Variants in TAF1B observed in about 807,000 individuals in gnomAD.
The protein encoded by TAF1B is TATA box-binding protein-associated factor RNA polymerase I subunit B.
A neutral mutation model predicts 83.9 loss-of-function variants in TAF1B; 61 were observed. The observed-to-expected ratio is 0.73, with a 90% CI of 0.59 to 0.90. The LOEUF (loss-of-function observed/expected upper bound fraction) is 0.90. Among genes scored for constraint, TAF1B ranks in the 40% least tolerant of loss-of-function variants. TAF1B has a pLI of 0.00. For synonymous variants in TAF1B, 221 were observed against 224.6 expected (o/e 0.98, Z 0.14); for missense variants, 625 against 677.0 (o/e 0.92, Z 0.85).
intron 5 of TAF1B, among the ~76,000 whole-genome samples, chr2:9,862,546 C>G (rs902565043): frequency 4.6e-5 from 7 of 152,146 alleles, no homozygotes; most frequent in Non-Finnish European, 8.8e-5. Context: ...GAGAACTTCC[C>G]CAATCTAGCA....
intron 8 of TAF1B, among the ~76,000 whole-genome samples, chr2:9,895,325 C>G (rs1013783704): frequency 1.3e-5 from 2 of 152,036 alleles, no homozygotes; most frequent in African/African-American, 4.8e-5. Flanking sequence ...CATGGTGAAA[C>G]TCTGGCTCTA....
chr2:9,890,903 T>C (rs1035378394), intron 8 of TAF1B, among the ~76,000 whole-genome samples: 28 of 152,168 alleles, frequency 1.8e-4, no homozygotes, highest in Non-Finnish European at 2.8e-4. Context: ...CCCAAGTAGC[T>C]GGGATTACAG....
At chr2:9,884,157 C>T (rs186792289) in intron 8 of TAF1B, among the ~76,000 whole-genome samples, 5 of 152,324 alleles carry the variant, frequency 3.3e-5, no homozygotes, top group African/African-American at 4.8e-5. Context: ...GCCAGCGATC[C>T]GCGAGGCTGC....
intron 8 of TAF1B, among the ~76,000 whole-genome samples, chr2:9,886,997 G>A (rs368887349): frequency 7.2e-5 from 11 of 152,182 alleles, no homozygotes; most frequent in Admixed American, 2.6e-4. Context: ...CCCAGGAAGC[G>A]GAGGTTGCAG....
intron 8 of TAF1B, among the ~76,000 whole-genome samples, chr2:9,900,152 C>G (rs983618804): frequency 5.9e-5 from 9 of 152,172 alleles, no homozygotes; most frequent in African/African-American, 2.2e-4. Flanking sequence ...TACAAAAGCT[C>G]TCAGACAGGC....
intron 14 of TAF1B, among the ~76,000 whole-genome samples, chr2:9,926,379 ATC>A (rs897028252): frequency 1.3e-5 from 2 of 152,166 alleles, no homozygotes; most frequent in South Asian, 2.1e-4. Flanking sequence ...CCACCTCTTT[ATC>A]TCTCTCTTTT....
chr2:9,898,950 C>G (rs1209112858), intron 8 of TAF1B, among the ~76,000 whole-genome samples: 1 of 102,790 alleles, frequency 9.7e-6, no homozygotes, highest in African/African-American at 3.7e-5. Context: ...TTTTTTTTTT[C>G]TCCTGCCACC....
chr2:9,907,169 T>G (rs1461794807), intron 9 of TAF1B, among the ~76,000 whole-genome samples: 1 of 149,258 alleles, frequency 6.7e-6, no homozygotes, highest in Non-Finnish European at 1.5e-5. Context: ...ATTACAGGCA[T>G]AAGCCACCAA....
intron 4 of TAF1B, among the ~76,000 whole-genome samples, chr2:9,852,908 C>G (rs1663444093): frequency 6.6e-6 from 1 of 152,160 alleles, no homozygotes; most frequent in Admixed American, 6.5e-5. Context: ...TGGGGCAAGT[C>G]CAAACAGAAC....
chr2:9,882,820 T>G lies in TAF1B; in HGVS notation c.807+15T>G. ...TTGGTATAGAGGTAAGTTATTTTCT[T>G]TTTTACTTTCTAGTCTCTGATAAGG... is the stretch of plus-strand genomic sequence containing the variant. On this transcript the variant is annotated intron_variant, in intron 8 of 14. Transcript: ENST00000263663. The G allele has an allele frequency of 6.4e-7, 1 of 1,559,010 alleles. No individual in the cohort carries two copies. The highest frequency in any genetic ancestry group is 8.7e-7 in the Non-Finnish European group (1 of 1,146,462).
intron 7 of TAF1B, among the ~76,000 whole-genome samples, chr2:9,879,725 G>T (rs1664435957): frequency 6.6e-6 from 1 of 152,160 alleles, no homozygotes; most frequent in Admixed American, 6.5e-5. Flanking sequence ...ATCAGAGGCA[G>T]ATATCTGTCT....
At chr2:9,923,694 T>C (rs62127467) in intron 14 of TAF1B, among the ~76,000 whole-genome samples, 1 of 150,018 alleles carries the variant, frequency 6.7e-6, no homozygotes, top group Non-Finnish European at 1.5e-5. Flanking sequence ...AAAAAAAAAT[T>C]GATTTAAGAG....
intron 5 of TAF1B, among the ~76,000 whole-genome samples, chr2:9,855,242 T>C (rs1249303256): frequency 6.6e-6 from 1 of 152,138 alleles, no homozygotes; most frequent in Non-Finnish European, 1.5e-5. Context: ...TGATCCATCC[T>C]CCTCGGCCTC....
chr2:9,853,494 G>T (rs1663465057), intron 4 of TAF1B, among the ~76,000 whole-genome samples: 1 of 151,768 alleles, frequency 6.6e-6, no homozygotes, highest in Middle Eastern at 3.2e-3. Flanking sequence ...TTCAGACAGG[G>T]TCTTGCTCTG....
chr2:9,905,075 T>G, intron 9 of TAF1B, 69 bp downstream of exon 9: 2 of 1,407,042 alleles, frequency 1.4e-6, no homozygotes, highest in Middle Eastern at 1.8e-4. Context: ...GTATAGAATC[T>G]TTTCAAATCA....
intron 8 of TAF1B, among the ~76,000 whole-genome samples, chr2:9,886,429 T>G (rs983381100): frequency 6.6e-6 from 1 of 152,222 alleles, no homozygotes; most frequent in Non-Finnish European, 1.5e-5. Context: ...TGGTGGTATT[T>G]TATAATTTCA....
At position 9,934,209 on chromosome 2, in the gene TAF1B, AAAC is replaced by A. The variant is rs1181938824; in HGVS notation, c.*228_*230del. On this transcript the variant is annotated 3_prime_UTR_variant, in exon 15 of 15. Transcript: ENST00000263663. ...GTATGAACATTCTAAGAGAAAGTTA[AAAC>A]AATAGCAAATTGTATAATTGTATCC... 1.7e-5 allele frequency: 7 copies of A among 412,820 alleles called. No homozygotes were observed. Among genetic ancestry groups the A allele is most frequent in the African/African-American group, 1.4e-4 (7 of 50,358 alleles). The allele number at this position is 412,820 out of a possible 1,614,324, so 25.6% of individuals were successfully genotyped here.
At chr2:9,926,461 T>C (rs1362515350) in intron 14 of TAF1B, among the ~76,000 whole-genome samples, 1 of 152,186 alleles carries the variant, frequency 6.6e-6, no homozygotes, top group Non-Finnish European at 1.5e-5. Context: ...AGTCCAGATT[T>C]TGTGTATAGA....
chr2:9,919,760 G>A lies in TAF1B; in HGVS notation c.1505G>A (p.Gly502Asp). ...CTTCAGGGAGTCCTGAAAGAGAAAG[G>A]CCAATCACTGCTGACTAAGAATTCA... ...HSLQGVLKEK[G>D]QSLLTKNSLY... is the part of the protein sequence containing the mutation. Residue 502 changes from glycine to aspartate, a missense_variant, in exon 14 of 15, where the codon GGC becomes GAC. Transcript: ENST00000263663. 1 of 1,614,138 alleles carries A rather than the reference G, an allele frequency of 6.2e-7. No individual in the cohort carries two copies. The highest frequency in any genetic ancestry group is 1.1e-5 in the South Asian group (1 of 91,084).
Sources: allele counts gnomAD v4.1 joint callset (sites outside exome capture counted in the v4.1 genomes callset), GRCh38; gene constraint gnomAD v4.1.1; transcripts MANE v1.5; gene names NCBI Gene and HGNC (gene_info 2026-07-23, HGNC 2026-07-21).